The following PALM2AKAP2 variants were observed in gnomAD, a reference collection of about 807,000 sequenced individuals.
PALM2AKAP2 encodes the protein PALM2-AKAP2 fusion protein.
Under a neutral mutation model 71.5 loss-of-function variants are expected in PALM2AKAP2, and 37 were observed. The ratio of observed to expected loss-of-function variants is 0.52; its 90% CI spans 0.40 to 0.68. PALM2AKAP2 has a LOEUF of 0.68. Ranked by LOEUF, PALM2AKAP2 falls within the 30% of genes least tolerant of loss-of-function variation. PALM2AKAP2 has a pLI of 0.00. For missense variants in PALM2AKAP2, 1,224 were observed against 1,191.8 expected (o/e 1.03, Z -0.40); for synonymous variants, 468 against 478.8 (o/e 0.98, Z 0.29).
chr9:109,883,816 C>A (rs752124387), intron 3 of PALM2AKAP2, among the ~76,000 whole-genome samples: 11 of 152,230 alleles, frequency 7.2e-5, no homozygotes, highest in Non-Finnish European at 1.6e-4. Context: ...AGCTCACCTA[C>A]GTGACTCTAA....
At chr9:109,992,964 G>T (rs925243218) in intron 6 of PALM2AKAP2, among the ~76,000 whole-genome samples, 4 of 150,682 alleles carry the variant, frequency 2.7e-5, no homozygotes, top group Middle Eastern at 3.5e-3. Context: ...TAGAGAGAGA[G>T]AGAGAGAGAG....
intron 6 of PALM2AKAP2, among the ~76,000 whole-genome samples, chr9:109,985,547 G>C (rs1022245523): frequency 1.2e-4 from 18 of 151,810 alleles, no homozygotes; most frequent in African/African-American, 4.1e-4. Context: ...GTGAACCTGG[G>C]GGGTGGAGCT....
intron 6 of PALM2AKAP2, among the ~76,000 whole-genome samples, chr9:110,006,330 C>CTTTCTT (rs1554736928): frequency 3.4e-5 from 4 of 118,296 alleles, no homozygotes; most frequent in African/African-American, 1.4e-4. Flanking sequence ...CCTTCTCTTT[C>CTTTCTT]TTTCTTTCTT....
intron 1 of PALM2AKAP2, among the ~76,000 whole-genome samples, chr9:109,817,404 G>C (rs889969693): frequency 6.6e-6 from 1 of 152,126 alleles, no homozygotes; most frequent in Non-Finnish European, 1.5e-5. Flanking sequence ...GAGTCACAAG[G>C]GTAGCACGTC....
At chr9:109,983,371 A>G (rs558829240) in intron 6 of PALM2AKAP2, among the ~76,000 whole-genome samples, 2 of 151,520 alleles carry the variant, frequency 1.3e-5, no homozygotes, top group Admixed American at 1.3e-4. Context: ...CTCCTCTCTC[A>G]CCATTTGTTC....
chr9:110,170,654 G>A (rs1045336384), exon 4 of PALM2AKAP2: 3 of 152,196 alleles, frequency 2.0e-5, no homozygotes, highest in Non-Finnish European at 4.4e-5. Flanking sequence ...AGCCACTGGG[G>A]ACGCAAAACA....
rs10979989 is a variant in PALM2AKAP2, at chr9:109,666,353, T to C, written c.5+25487T>C. Reference sequence around the variant, plus strand: ...TCACAAAGTATCTTTTTAAATGCAGTTGGAGGTCTTTTGTGCCTCTTTTTG... The same window carrying C: ...TCACAAAGTATCTTTTTAAATGCAGCTGGAGGTCTTTTGTGCCTCTTTTTG... On this transcript the variant is annotated intron_variant, in intron 1 of 6. Coordinates refer to the PALM2AKAP2 transcript ENST00000374531. 4.7e-3 allele frequency among the ~76,000 whole-genome samples: 715 copies of C among 152,320 alleles called. 3 individuals are homozygous for C. Among genetic ancestry groups the C allele is most frequent in the Non-Finnish European group, 7.9e-3 (539 of 68,028 alleles).
intron 3 of PALM2AKAP2, among the ~76,000 whole-genome samples, chr9:110,162,681 A>C (rs1836631624): frequency 6.6e-6 from 1 of 152,088 alleles, no homozygotes; most frequent in African/African-American, 2.4e-5. Context: ...TTATTTTAGA[A>C]ACTCTAAGCC....
At chr9:110,145,891 CTTTTTTTTTTT>C (rs61137720) in intron 2 of PALM2AKAP2, among the ~76,000 whole-genome samples, 1 of 64,454 alleles carries the variant, frequency 1.6e-5, no homozygotes, top group African/African-American at 6.6e-5. Flanking sequence ...CCTCACTCTT[CTTTTTTTTTTT>C]TTTTTTTTTT....
intron 1 of PALM2AKAP2, among the ~76,000 whole-genome samples, chr9:109,715,571 T>G (rs1434042836): frequency 6.6e-6 from 1 of 152,190 alleles, no homozygotes; most frequent in Non-Finnish European, 1.5e-5. Flanking sequence ...CTCCCTGCAG[T>G]GCAACCCAGC....
intron 1 of PALM2AKAP2, among the ~76,000 whole-genome samples, chr9:109,821,898 C>G (rs1828016518): frequency 6.6e-6 from 1 of 152,224 alleles, no homozygotes; most frequent in East Asian, 1.9e-4. Flanking sequence ...ATAATAAGCA[C>G]TTTGGGACCA....
At chr9:109,944,865 T>C (rs1346930410) in intron 6 of PALM2AKAP2, 2 of 152,188 alleles carry the variant, frequency 1.3e-5, no homozygotes, top group Non-Finnish European at 2.9e-5. Flanking sequence ...AGATATAACA[T>C]GATTACTGGT....
intron 1 of PALM2AKAP2, among the ~76,000 whole-genome samples, chr9:109,642,173 T>C (rs1007864393): frequency 1.3e-5 from 2 of 152,036 alleles, no homozygotes; most frequent in Middle Eastern, 3.2e-3. Context: ...ACTAGTGTCA[T>C]GTTTAAGAGC....
intron 1 of PALM2AKAP2, among the ~76,000 whole-genome samples, chr9:110,071,802 G>A (rs1564289439): frequency 6.6e-6 from 1 of 152,046 alleles, no homozygotes; most frequent in Non-Finnish European, 1.5e-5. Flanking sequence ...GGAGCCTGAG[G>A]GTGATTTGGG....
intron 3 of PALM2AKAP2, among the ~76,000 whole-genome samples, chr9:110,158,113 G>A (rs1029344036): frequency 6.6e-6 from 1 of 152,204 alleles, no homozygotes; most frequent in South Asian, 2.1e-4. Context: ...CACTGTAGGG[G>A]AGCCAGCAGC....
intron 1 of PALM2AKAP2, among the ~76,000 whole-genome samples, chr9:109,862,701 T>C (rs1829344399): frequency 1.3e-5 from 2 of 152,270 alleles, no homozygotes; most frequent in South Asian, 4.2e-4. Flanking sequence ...CCATTTACAG[T>C]GAGGGTAGAT....
intron 3 of PALM2AKAP2, among the ~76,000 whole-genome samples, chr9:109,900,653 ATTACCC>A (rs1406404854): frequency 3.9e-5 from 6 of 152,224 alleles, no homozygotes; most frequent in Non-Finnish European, 8.8e-5. Context: ...AATGACAGTC[ATTACCC>A]TCACAAGACC....
intron 1 of PALM2AKAP2, among the ~76,000 whole-genome samples, chr9:110,096,656 C>T (rs1018460766): frequency 6.6e-6 from 1 of 151,956 alleles, no homozygotes; most frequent in Non-Finnish European, 1.5e-5. Context: ...ACTAGCCAGT[C>T]TTCTGTTGTG....
chr9:110,081,783 TC>T (rs1169209594), intron 1 of PALM2AKAP2, among the ~76,000 whole-genome samples: 1 of 151,960 alleles, frequency 6.6e-6, no homozygotes, highest in Non-Finnish European at 1.5e-5. Flanking sequence ...TGCTGGGGCT[TC>T]CCAGAATTCT....
Sources: allele counts gnomAD v4.1 joint callset (sites outside exome capture counted in the v4.1 genomes callset), GRCh38; gene constraint gnomAD v4.1.1; transcripts MANE v1.5; gene names NCBI Gene and HGNC (gene_info 2026-07-23, HGNC 2026-07-21).